The following STK4 variants were observed in gnomAD, a reference collection of about 807,000 sequenced individuals.
STK4 encodes the protein serine/threonine kinase 4.
A neutral mutation model predicts 64.9 loss-of-function variants in STK4; 30 were observed. The ratio of observed to expected loss-of-function variants is 0.46; its 90% CI spans 0.35 to 0.63. The LOEUF is 0.63. Among genes scored for constraint, STK4 ranks in the 20% least tolerant of loss-of-function variants. The pLI, the probability that STK4 is intolerant of heterozygous loss-of-function variation, is 0.01. For synonymous variants in STK4, 177 were observed against 199.0 expected (o/e 0.89, Z 0.93); for missense variants, 466 against 598.5 (o/e 0.78, Z 2.31).
chr20:45,022,995 TAC>T (rs2068275659), intron 9 of STK4, among the ~76,000 whole-genome samples: 1 of 152,258 alleles, frequency 6.6e-6, no homozygotes, highest in Non-Finnish European at 1.5e-5. Context: ...AGAAAGAAGA[TAC>T]CCTCTTTTGT....
At chr20:44,980,914 C>T (rs370533488) in intron 3 of STK4, among the ~76,000 whole-genome samples, 50 of 152,068 alleles carry the variant, frequency 3.3e-4, no homozygotes, top group Non-Finnish European at 6.2e-4. Flanking sequence ...GGGATCCGCC[C>T]ACCTCGGCCT....
chr20:45,032,725 C>T (rs1005734464), intron 10 of STK4, among the ~76,000 whole-genome samples: 10 of 152,104 alleles, frequency 6.6e-5, no homozygotes, highest in African/African-American at 1.2e-4. Flanking sequence ...AGTACTGCAG[C>T]GAACACAACA....
chr20:44,978,385 T>C, intron 2 of STK4, 58 bp from the exon 3 acceptor site: 1 of 1,568,518 alleles, frequency 6.4e-7, no homozygotes, highest in Non-Finnish European at 8.6e-7. Flanking sequence ...GTTTTACCAC[T>C]TCTTATATCT....
chr20:45,053,703 A>G (rs1465987416), intron 10 of STK4, among the ~76,000 whole-genome samples: 4 of 152,194 alleles, frequency 2.6e-5, no homozygotes, highest in Admixed American at 1.3e-4. Flanking sequence ...CCAACACTGT[A>G]TCAGAGAATG....
chr20:45,063,683 G>A (rs1158122228), intron 10 of STK4, among the ~76,000 whole-genome samples: 2 of 152,132 alleles, frequency 1.3e-5, no homozygotes, highest in Non-Finnish European at 2.9e-5. Flanking sequence ...TATGTCCAGA[G>A]TGGTATTTCC....
chr20:45,069,978 G>A (rs1417804081), intron 10 of STK4, among the ~76,000 whole-genome samples: 1 of 152,224 alleles, frequency 6.6e-6, no homozygotes, highest in Non-Finnish European at 1.5e-5. Context: ...GTCAGAAAAG[G>A]CTTGCCTGCA....
chr20:45,073,692 CCT>C (rs1980276088), intron 10 of STK4, among the ~76,000 whole-genome samples: 2 of 152,204 alleles, frequency 1.3e-5, no homozygotes, highest in African/African-American at 2.4e-5. Context: ...CATTCCCACC[CCT>C]GACAGCCAAT....
chr20:45,005,684 A>G (rs1390827848), intron 9 of STK4, among the ~76,000 whole-genome samples: 5 of 150,822 alleles, frequency 3.3e-5, no homozygotes, highest in African/African-American at 9.7e-5. Context: ...GTTAGCTACT[A>G]TAATCATTAT....
At chr20:45,028,008 C>G (rs1281917620) in intron 10 of STK4, among the ~76,000 whole-genome samples, 1 of 152,134 alleles carries the variant, frequency 6.6e-6, no homozygotes, top group African/African-American at 2.4e-5. Context: ...TCCATTTATC[C>G]ATTGATGGAC....
chr20:44,993,207 G>T (rs2067666699), intron 5 of STK4, among the ~76,000 whole-genome samples: 1 of 148,122 alleles, frequency 6.8e-6, no homozygotes. Flanking sequence ...ATGTATATGT[G>T]GTATATATAA....
At chr20:45,035,502 A>G (rs1014935104) in intron 10 of STK4, among the ~76,000 whole-genome samples, 4 of 152,144 alleles carry the variant, frequency 2.6e-5, no homozygotes, top group Admixed American at 2.6e-4. Context: ...TAAATTTCCT[A>G]TTTATTCAAA....
Position 45,024,971 on chromosome 20 carries a change from A to G in STK4, c.1148-2A>G. ...TCATTTTTCATTTTTCTTTGTTTTCAGGAAGGGATGAGACCATGCAGCCTG... is the reference window on the plus strand; with the variant it reads ...TCATTTTTCATTTTTCTTTGTTTTCGGGAAGGGATGAGACCATGCAGCCTG... On this transcript the variant is annotated splice_acceptor_variant, in intron 9 of 10. Transcript: ENST00000372806. LOFTEE classifies it high-confidence loss of function. The G allele has an allele frequency of 6.5e-7, 1 of 1,550,248 alleles. No homozygotes were observed.
intron 3 of STK4, among the ~76,000 whole-genome samples, chr20:44,981,087 T>A (rs966434336): frequency 1.3e-5 from 2 of 152,196 alleles, no homozygotes; most frequent in African/African-American, 2.4e-5. Context: ...AAACACAGTA[T>A]CTTCTCATGT....
intron 5 of STK4, among the ~76,000 whole-genome samples, chr20:44,988,533 G>GTGTGTGTGTGTGTGTATATA (rs1221720136): frequency 1.1e-4 from 11 of 101,584 alleles, no homozygotes; most frequent in African/African-American, 5.2e-4. Flanking sequence ...ATGTGTGTGT[G>GTGTGTGTGTGTGTGTATATA]TATATATATA....
At chr20:44,975,897 C>G (rs934830475) in intron 2 of STK4, among the ~76,000 whole-genome samples, 4 of 152,120 alleles carry the variant, frequency 2.6e-5, no homozygotes, top group Admixed American at 2.6e-4. Context: ...GAAAATCATT[C>G]AAGAGAAAAT....
chr20:45,067,165 G>A (rs2145477163), intron 10 of STK4, among the ~76,000 whole-genome samples: 1 of 152,174 alleles, frequency 6.6e-6, no homozygotes, highest in South Asian at 2.1e-4. Flanking sequence ...GTTGAGGTAT[G>A]GGATGGTATG....
chr20:45,027,018 G>A (rs989934319), intron 10 of STK4, among the ~76,000 whole-genome samples: 5 of 152,162 alleles, frequency 3.3e-5, no homozygotes, highest in Non-Finnish European at 7.4e-5. Context: ...CAGTCTTCAG[G>A]CAAAGATGTT....
chr20:44,976,609 G>C (rs1462036723), intron 2 of STK4, among the ~76,000 whole-genome samples: 1 of 152,130 alleles, frequency 6.6e-6, no homozygotes, highest in Non-Finnish European at 1.5e-5. Context: ...TTGTCAATCC[G>C]GTATCCAACC....
intron 4 of STK4, among the ~76,000 whole-genome samples, chr20:44,986,905 G>A (rs2067539394): frequency 2.0e-5 from 3 of 152,240 alleles, no homozygotes; most frequent in Admixed American, 6.5e-5. Flanking sequence ...TTATGATGCT[G>A]GCTAGGTATT....
Sources: allele counts gnomAD v4.1 joint callset (sites outside exome capture counted in the v4.1 genomes callset), GRCh38; gene constraint gnomAD v4.1.1; transcripts MANE v1.5; gene names NCBI Gene and HGNC (gene_info 2026-07-23, HGNC 2026-07-21).